The following RAET1L variants were observed in gnomAD, a reference collection of about 807,000 sequenced individuals.
RAET1L encodes retinoic acid early transcript 1L, also known as UL16-binding protein 6.
In RAET1L, 16 loss-of-function variants were observed where a neutral mutation model predicts 23.9. The ratio of observed to expected loss-of-function variants is 0.67; its 90% CI spans 0.45 to 1.02. RAET1L has a LOEUF of 1.02. Ranked by LOEUF, RAET1L falls within the 50% of genes least tolerant of loss-of-function variation. The pLI, the probability that RAET1L is intolerant of heterozygous loss-of-function variation, is 0.00. For missense variants in RAET1L, 233 were observed against 304.0 expected, an observed-to-expected ratio of 0.77 and a Z score of 1.74; for synonymous variants, 70 against 111.2, an observed-to-expected ratio of 0.63 and a Z score of 2.33.
At position 150,018,464 on chromosome 6, in the gene RAET1L, C is replaced by A. The variant is rs41288443; in HGVS notation, c.*414G>T. On this transcript the variant is annotated 3_prime_UTR_variant, in exon 5 of 5. Coordinates refer to ENST00000367341, the MANE Select transcript of RAET1L (RefSeq NM_130900.3). ...TTCTCTTTCAGGACATGGAAAGAAT[C>A]CCTGGAGGTCTGAAGTCTAACATGA... The A allele has an allele frequency of 7.1e-3, 1,079 of 152,130 alleles. 6 individuals are homozygous for A. Among genetic ancestry groups the A allele is most frequent in the Non-Finnish European group, 9.5e-3 (645 of 67,994 alleles). 9.4% of individuals were successfully genotyped at this position (152,130 alleles called of 1,614,324 possible). A position where few individuals can be genotyped will look rare whatever the true frequency, so the allele number is the denominator to read the frequency against.
intron 4 of RAET1L, among the ~76,000 whole-genome samples, chr6:150,019,470 G>C (rs377186148): frequency 6.6e-5 from 10 of 152,162 alleles, no homozygotes; most frequent in East Asian, 3.9e-4. Flanking sequence ...GTGATGGCAG[G>C]GGAGCTGCCT....
intron 3 of RAET1L, 139 bp downstream of exon 3, chr6:150,020,766 C>T (rs1779875435): frequency 7.1e-7 from 1 of 1,411,226 alleles, no homozygotes. Flanking sequence ...CCAGTAACCC[C>T]AGGAGGAGGG....
chr6:150,018,412 T>A lies in RAET1L; in HGVS notation c.*466A>T, dbSNP rs975685418. 2 of 151,848 alleles carry A rather than the reference T, an allele frequency of 1.3e-5. No homozygotes were observed. The highest frequency in any genetic ancestry group is 2.1e-4 in the South Asian group (1 of 4,828). 9.4% of individuals were successfully genotyped at this position (151,848 alleles called of 1,614,324 possible). A position where few individuals can be genotyped will look rare whatever the true frequency, so the allele number is the denominator to read the frequency against. ...TAAAGGAAACAATCATTAATATAAA[T>A]TTTTTTCTTATTAAATAATTAAACA... On this transcript the variant is annotated 3_prime_UTR_variant, in exon 5 of 5. Coordinates refer to ENST00000367341, the MANE Select transcript of RAET1L (RefSeq NM_130900.3).
chr6:150,024,187 C>T (rs1335500396), intron 1 of RAET1L, among the ~76,000 whole-genome samples: 4 of 152,150 alleles, frequency 2.6e-5, no homozygotes, highest in Non-Finnish European at 5.9e-5. Context: ...AAGCCCCCAA[C>T]TATGGGACCC....
chr6:150,024,328 C>T (rs567922716), intron 1 of RAET1L, among the ~76,000 whole-genome samples: 1 of 152,204 alleles, frequency 6.6e-6, no homozygotes, highest in South Asian at 2.1e-4. Context: ...CACTGTAATC[C>T]CCTGATCTGG....
intron 2 of RAET1L, among the ~76,000 whole-genome samples, 162 bp downstream of exon 2, chr6:150,021,818 T>A (rs1183629989): frequency 2.6e-5 from 4 of 152,016 alleles, no homozygotes; most frequent in Non-Finnish European, 5.9e-5. Context: ...GGTCTCGAAT[T>A]CCTGACCTTG....
chr6:150,024,797 C>G (rs750616522), intron 1 of RAET1L, among the ~76,000 whole-genome samples: 18 of 151,614 alleles, frequency 1.2e-4, no homozygotes, highest in Non-Finnish European at 1.9e-4. Context: ...CTGAGGTGGG[C>G]AGTAAGAGGA....
intron 2 of RAET1L, among the ~76,000 whole-genome samples, chr6:150,021,619 A>T (rs1170996364): frequency 9.1e-6 from 1 of 109,880 alleles, no homozygotes; most frequent in East Asian, 2.4e-4. Context: ...TTTTTGAGAC[A>T]AAGTCTCACT....
At chr6:150,021,774 C>T (rs1555693) in intron 2 of RAET1L, among the ~76,000 whole-genome samples, 354 of 150,220 alleles carry the variant, frequency 2.4e-3, no homozygotes, top group African/African-American at 7.8e-3. Flanking sequence ...TTTTGCATTT[C>T]GGTAGAGACA....
intron 2 of RAET1L, 101 bp downstream of exon 2, chr6:150,021,879 A>C: frequency 1.4e-6 from 2 of 1,399,480 alleles, no homozygotes; most frequent in South Asian, 1.3e-5. Context: ...GGCGTGAGCC[A>C]CCGTGCCCAG....
chr6:150,024,866 C>G (rs1779928600), intron 1 of RAET1L, among the ~76,000 whole-genome samples: 1 of 152,024 alleles, frequency 6.6e-6, no homozygotes, highest in African/African-American at 2.4e-5. Flanking sequence ...TCTGCTGAGC[C>G]CCTGGGTGCA....
chr6:150,022,003 T>G lies in RAET1L; in HGVS notation c.326A>C (p.Gln109Pro). 6.6e-7 allele frequency: 1 copy of G among 1,509,656 alleles called. No homozygotes were observed. The highest frequency in any genetic ancestry group is 9.1e-7 in the Non-Finnish European group (1 of 1,092,980). The allele number at this position is 1,509,656 out of a possible 1,614,324, so 93.5% of individuals were successfully genotyped here. A position where few individuals can be genotyped will look rare whatever the true frequency, so the allele number is the denominator to read the frequency against. ...DILTEQLLDIQLENYTPKEPL... is the reference protein window; with the variant it reads ...DILTEQLLDIPLENYTPKEPL... Reference sequence around the variant, plus strand: ...ACCCTTGGGTGTGTAATTCTCCAGCTGAATGTCAAGCAGTTGCTCTGTAAG... The same window carrying G: ...ACCCTTGGGTGTGTAATTCTCCAGCGGAATGTCAAGCAGTTGCTCTGTAAG... The change falls in exon 2 of 5, where the codon CAG becomes CCG. Residue 109 changes from glutamine to proline, a missense_variant. By Grantham distance (76) the Gln-to-Pro change is moderately conservative. This residue lies in a region of RAET1L where 44 missense variants were observed against 107.4 expected (regional missense o/e 0.41). Transcript: ENST00000367341.
rs1379805385 is a variant in RAET1L, at chr6:150,018,565, A to C, written c.*313T>G. ...AAGAAGTACTTGATTTTCCAAACAA[A>C]AAGAGAAGAAAGAAAATGTTGACAT... On this transcript the variant is annotated 3_prime_UTR_variant, in exon 5 of 5. Coordinates refer to ENST00000367341, the MANE Select transcript of RAET1L (RefSeq NM_130900.3). 6.6e-6 allele frequency: 1 copy of C among 152,382 alleles called. No individual in the cohort carries two copies. Among genetic ancestry groups the C allele is most frequent in the African/African-American group, 2.4e-5 (1 of 41,472 alleles). 9.4% of individuals were successfully genotyped at this position (152,382 alleles called of 1,614,324 possible). A position where few individuals can be genotyped will look rare whatever the true frequency, so the allele number is the denominator to read the frequency against.
chr6:150,018,764 A>T lies in RAET1L; in HGVS notation c.*114T>A, dbSNP rs1417782026. On this transcript the variant is annotated 3_prime_UTR_variant, in exon 5 of 5. Coordinates refer to ENST00000367341, the MANE Select transcript of RAET1L (RefSeq NM_130900.3). ...ATCATCATCTGCTGGAGGCTGCTGG[A>T]CATACACCGTAGGTGGTGGGCAGCT... 4 of 241,252 alleles carry T rather than the reference A, an allele frequency of 1.7e-5. No homozygotes were observed. Among genetic ancestry groups the T allele is most frequent in the Non-Finnish European group, 2.4e-5 (3 of 123,890 alleles). The allele number at this position is 241,252 out of a possible 1,614,324, so 14.9% of individuals were successfully genotyped here.
At chr6:150,023,307 G>A (rs540920126) in intron 1 of RAET1L, among the ~76,000 whole-genome samples, 1 of 151,918 alleles carries the variant, frequency 6.6e-6, no homozygotes, top group Non-Finnish European at 1.5e-5. Flanking sequence ...AAGAAACAGA[G>A]ATAAACCAAA....
Position 150,022,751 on chromosome 6 carries a change from A to G in RAET1L, c.86-508T>C, listed in dbSNP as rs1295527526. Among the ~76,000 whole-genome samples, 3 of 119,170 alleles carry G rather than the reference A, an allele frequency of 2.5e-5. 1 individual carries two copies. The highest frequency in any genetic ancestry group is 2.4e-4 in the Admixed American group (3 of 12,424). 78.2% of individuals were successfully genotyped at this position (119,170 alleles called of 152,430 possible). ...TGTTGGCAAAGCCCCTGGTGATGGCATGCATCTGCTATGAGGAGGCCTTCC... is the reference window on the plus strand; with the variant it reads ...TGTTGGCAAAGCCCCTGGTGATGGCGTGCATCTGCTATGAGGAGGCCTTCC... On this transcript the variant is annotated intron_variant, in intron 1 of 4. Transcript: ENST00000367341.
chr6:150,024,073 A>C (rs1049070938), intron 1 of RAET1L, among the ~76,000 whole-genome samples: 2 of 152,130 alleles, frequency 1.3e-5, no homozygotes, highest in African/African-American at 4.8e-5. Flanking sequence ...GATCCCCAGG[A>C]CACCACGTGG....
Position 150,020,885 on chromosome 6 carries a change from G to A in RAET1L, c.631+20C>T, listed in dbSNP as rs140130633. 1.2e-4 allele frequency: 201 copies of A among 1,611,422 alleles called. No homozygotes were observed. The highest frequency in any genetic ancestry group is 7.9e-4 in the South Asian group (72 of 90,834). On this transcript the variant is annotated intron_variant, in intron 3 of 4. Coordinates refer to ENST00000367341, the MANE Select transcript of RAET1L (RefSeq NM_130900.3). ...ATTTCTGATCTCATTTAAGATCCCC[G>A]TTTCTTTTTCTCCTGTTACCTCCTG...
At chr6:150,020,791 C>G in intron 3 of RAET1L, 114 bp downstream of exon 3, 2 of 1,531,068 alleles carry the variant, frequency 1.3e-6, no homozygotes, top group Non-Finnish European at 1.8e-6. Flanking sequence ...ACGAGGAGGT[C>G]ATTTTAACAT....
Sources: gnomAD v4.1 joint callset for allele counts (sites outside exome capture counted in the v4.1 genomes callset) on GRCh38, gnomAD v4.1.1 for gene constraint, gnomAD v4.1.1 regional missense constraint, MANE v1.5 for transcripts, NCBI Gene and HGNC (gene_info 2026-07-23, HGNC 2026-07-21) for gene names.